The following MTO1 variants were observed in gnomAD, a reference collection of about 807,000 sequenced individuals.
The protein encoded by MTO1 is 5-taurinomethyluridine-[tRNA] synthase subunit MTO1, mitochondrial.
In MTO1, 46 loss-of-function variants were observed where a neutral mutation model predicts 71.6. The ratio of observed to expected loss-of-function variants is 0.64; its 90% CI spans 0.51 to 0.82. MTO1 has a LOEUF of 0.82. Among genes scored for constraint, MTO1 ranks in the 40% least tolerant of loss-of-function variants. MTO1 has a pLI of 0.00. For missense variants in MTO1, 773 were observed against 867.5 expected (o/e 0.89, Z 1.37); for synonymous variants, 297 against 312.1 (o/e 0.95, Z 0.51).
chr6:73,481,509 G>T (rs1201664600), intron 7 of MTO1, among the ~76,000 whole-genome samples: 2 of 150,970 alleles, frequency 1.3e-5, no homozygotes, highest in East Asian at 4.0e-4. Context: ...CGTCACACCT[G>T]TAATCCCAGC....
chr6:73,487,333 AG>A (rs1252388080), intron 9 of MTO1, among the ~76,000 whole-genome samples: 6 of 151,212 alleles, frequency 4.0e-5, no homozygotes, highest in African/African-American at 1.5e-4. Flanking sequence ...CTGGGATTAC[AG>A]GCACCCACCA....
At chr6:73,468,278 C>A (rs573244911) in intron 3 of MTO1, among the ~76,000 whole-genome samples, 5 of 151,798 alleles carry the variant, frequency 3.3e-5, no homozygotes, top group African/African-American at 1.2e-4. Context: ...CCACCATGCC[C>A]GGCTAATTTT....
At chr6:73,478,960 C>G (rs1314384602) in intron 4 of MTO1, among the ~76,000 whole-genome samples, 2 of 149,238 alleles carry the variant, frequency 1.3e-5, no homozygotes, top group Non-Finnish European at 3.0e-5. Context: ...GCAATCTCGG[C>G]TCACTGCAAC....
chr6:73,484,874 C>A (rs1270149725), intron 9 of MTO1, among the ~76,000 whole-genome samples: 1 of 151,904 alleles, frequency 6.6e-6, no homozygotes, highest in African/African-American at 2.4e-5. Context: ...TGGCAAAACC[C>A]TGTCTCTACT....
chr6:73,468,205 C>T (rs760169742), intron 3 of MTO1, among the ~76,000 whole-genome samples: 3 of 151,314 alleles, frequency 2.0e-5, no homozygotes, highest in African/African-American at 4.9e-5. Context: ...GCAACGTTCC[C>T]CTCCCAGGTT....
intron 4 of MTO1, among the ~76,000 whole-genome samples, chr6:73,478,612 C>A (rs1402043368): frequency 6.6e-6 from 1 of 152,164 alleles, no homozygotes; most frequent in Non-Finnish European, 1.5e-5. Flanking sequence ...AAGCTTGGCC[C>A]ACTGCAACCT....
intron 3 of MTO1, among the ~76,000 whole-genome samples, chr6:73,470,196 ATTTTTATTTT>A: frequency 6.6e-6 from 1 of 151,296 alleles, no homozygotes; most frequent in Middle Eastern, 3.4e-3. Context: ...TTATTTATTT[ATTTTTATTTT>A]TTCTTTTTAT....
Position 73,482,521 on chromosome 6 carries a change from A to G in MTO1, c.1538A>G (p.Glu513Gly). 1.2e-6 allele frequency: 2 copies of G among 1,613,150 alleles called. No individual in the cohort carries two copies. The highest frequency in any genetic ancestry group is 8.5e-7 in the Non-Finnish European group (1 of 1,179,826). The change falls in exon 9 of 12, where the codon GAA becomes GGA. Residue 513 changes from glutamate to glycine, a missense_variant. By Grantham distance (98) the Glu-to-Gly change is moderately conservative (BLOSUM62 -2). Coordinates refer to ENST00000498286, the MANE Select transcript of MTO1 (RefSeq NM_012123.4). ...TGTTGGATGAAGTCTTCTTTAGAAG[A>G]AGGCATTTCTGTGTTGAAATCTATT... is the stretch of plus-strand genomic sequence containing the variant. The part of the protein sequence containing the change: ...RACWMKSSLE[E>G]GISVLKSIEF...
rs1435984273 is a variant in MTO1, at chr6:73,509,162, G to GT, written c.*8428dup. On this transcript the variant is annotated 3_prime_UTR_variant, in exon 12 of 12. Coordinates refer to ENST00000498286, the MANE Select transcript of MTO1 (RefSeq NM_012123.4). ...TTTTTCATTTGGTATTAGCCATCTG[G>GT]TATTTAACCTCTGAAAACCACACAA... 1 of 152,136 alleles carries GT rather than the reference G, an allele frequency of 6.6e-6. No homozygotes were observed. The highest frequency in any genetic ancestry group is 2.1e-4 in the South Asian group (1 of 4,836). The allele number at this position is 152,136 out of a possible 1,614,324, so 9.4% of individuals were successfully genotyped here.
In MTO1 at chr6:73,461,749, G is replaced by A. The variant is rs377705976; in HGVS notation, c.-106G>A. The stretch of plus-strand genomic sequence containing the variant: ...GCTGGACGTAGACGTCCTACCCCGT[G>A]ATATTAAAGCAAGATGGCCGCGCCC... On this transcript the variant is annotated 5_prime_UTR_variant, in exon 1 of 12. Transcript: ENST00000498286. 2 of 1,246,706 alleles carry A rather than the reference G, an allele frequency of 1.6e-6. No homozygotes were observed. The highest frequency in any genetic ancestry group is 2.5e-5 in the East Asian group (1 of 40,414). 77.2% of individuals were successfully genotyped at this position (1,246,706 alleles called of 1,614,324 possible).
In MTO1 at chr6:73,479,844, G is replaced by A. The variant is rs371179032; in HGVS notation, c.938G>A (p.Arg313Gln). ...SHVKETTRGP[R>Q]YCPSIESKVL... Reference sequence around the variant, plus strand: ...GTTAAAGAAACGACAAGAGGACCTCGGTAAGGACAAAATGTCAGTGCTCAG... The same window carrying A: ...GTTAAAGAAACGACAAGAGGACCTCAGTAAGGACAAAATGTCAGTGCTCAG... The change falls in exon 5 of 12, where the codon CGA becomes CAA. Residue 313 changes from arginine to glutamine, a missense_variant and splice_region_variant. Coordinates refer to ENST00000498286, the MANE Select transcript of MTO1 (RefSeq NM_012123.4). 1.8e-5 allele frequency: 29 copies of A among 1,610,018 alleles called. No homozygotes were observed. The highest frequency in any genetic ancestry group is 5.3e-5 in the African/African-American group (4 of 74,790).
At position 73,473,659 on chromosome 6, in the gene MTO1, G is replaced by A. The variant is rs768393884; in HGVS notation, c.825+5G>A. The A allele has an allele frequency of 6.3e-7, 1 of 1,581,580 alleles. No individual in the cohort carries two copies. The highest frequency in any genetic ancestry group is 8.6e-7 in the Non-Finnish European group (1 of 1,159,180). Reference sequence around the variant, plus strand: ...AATGAGACAGTATGGATTAAGGTAAGATACTTTACGAAAACCTGGCTTACA... The same window carrying A: ...AATGAGACAGTATGGATTAAGGTAAAATACTTTACGAAAACCTGGCTTACA... On this transcript the variant is annotated splice_donor_5th_base_variant and intron_variant, in intron 4 of 11. Transcript: ENST00000498286.
chr6:73,492,402 T>C (rs750398288), intron 10 of MTO1, 50 bp downstream of exon 10: 2 of 1,218,670 alleles, frequency 1.6e-6, no homozygotes, highest in South Asian at 2.4e-5. Context: ...GTGCAAATTA[T>C]GAATAGACAA....
chr6:73,508,582 A>C lies in MTO1; in HGVS notation c.*7847A>C, dbSNP rs958286584. 3 of 152,202 alleles carry C rather than the reference A, an allele frequency of 2.0e-5. No homozygotes were observed. The highest frequency in any genetic ancestry group is 4.4e-5 in the Non-Finnish European group (3 of 68,036). The allele number at this position is 152,202 out of a possible 1,614,324, so 9.4% of individuals were successfully genotyped here. On this transcript the variant is annotated 3_prime_UTR_variant, in exon 12 of 12. Transcript: ENST00000498286. ...AGTTTCACAAGAAACAACCTCAAGGAGGGCAGTTTAACTGAAAATTCAGAG... is the reference window on the plus strand; with the variant it reads ...AGTTTCACAAGAAACAACCTCAAGGCGGGCAGTTTAACTGAAAATTCAGAG...
At position 73,480,799 on chromosome 6, in the gene MTO1, A is replaced by C. The variant is rs1253787804; in HGVS notation, c.1254A>C (p.Ala418=). The C allele has an allele frequency of 2.5e-6, 4 of 1,613,808 alleles. No individual in the cohort carries two copies. The African/African-American group carries it at 5.3e-5, about 22-fold the overall frequency. The change falls in exon 7 of 12, where the codon GCA becomes GCC. Residue 418 remains alanine, a synonymous_variant. Coordinates refer to ENST00000498286, the MANE Select transcript of MTO1 (RefSeq NM_012123.4). The stretch of plus-strand genomic sequence containing the variant: ...GCACCACTGGTTATGAGGAAGCTGC[A>C]GCTCAAGTAAGAAGTTAAGATATTA... ...INGTTGYEEA[A]AQGVIAGINA...
intron 9 of MTO1, among the ~76,000 whole-genome samples, chr6:73,491,404 A>G (rs1771800402): frequency 6.6e-6 from 1 of 151,816 alleles, no homozygotes; most frequent in South Asian, 2.1e-4. Context: ...TACAAAAAAA[A>G]AAAAAAAAAG....
At chr6:73,462,157 TC>T (rs747072273) in intron 1 of MTO1, 86 bp downstream of exon 1, 59 of 1,406,500 alleles carry the variant, frequency 4.2e-5, no homozygotes, top group Non-Finnish European at 5.5e-5. Flanking sequence ...GGGGACCTCT[TC>T]CTTTCCTCAA....
chr6:73,463,834 G>A (rs1262848130), intron 1 of MTO1, among the ~76,000 whole-genome samples: 2 of 151,946 alleles, frequency 1.3e-5, no homozygotes, highest in Non-Finnish European at 2.9e-5. Flanking sequence ...TCCACCTCCC[G>A]GGTTCAAGCG....
chr6:73,467,614 A>AAAAT (rs70996806), intron 3 of MTO1, among the ~76,000 whole-genome samples: 15,526 of 143,438 alleles, frequency 0.11, 1,227 homozygotes, highest in East Asian at 0.28. Flanking sequence ...ACTCTGTCTC[A>AAAAT]AAATAAATAA....
Sources: allele counts gnomAD v4.1 joint callset (sites outside exome capture counted in the v4.1 genomes callset), GRCh38; gene constraint gnomAD v4.1.1; transcripts MANE v1.5; gene names NCBI Gene and HGNC (gene_info 2026-07-23, HGNC 2026-07-21).